CACNA2D1: variants seen among roughly 807,000 people sequenced by gnomAD.
CACNA2D1 encodes the protein calcium voltage-gated channel auxiliary subunit alpha2delta 1, also known as voltage-dependent calcium channel subunit alpha-2/delta-1.
CACNA2D1 carries 53 observed loss-of-function variants against 171.5 expected under a neutral mutation model. The ratio of observed to expected loss-of-function variants is 0.31; its 90% CI spans 0.25 to 0.39. CACNA2D1 has a LOEUF of 0.39. CACNA2D1 is among the 10% of genes least tolerant of loss of function. The probability of loss-of-function intolerance (pLI) is 1.00; values close to 1 mark genes in which losing one functional copy is unlikely to be tolerated. For missense variants in CACNA2D1, 903 were observed against 1,299.8 expected (o/e 0.69, Z 4.69); for synonymous variants, 442 against 443.1 (o/e 1.00, Z 0.03).
intron 10 of CACNA2D1, among the ~76,000 whole-genome samples, chr7:82,059,381 G>C (rs571302694): frequency 3.7e-4 from 57 of 152,102 alleles, no homozygotes; most frequent in Non-Finnish European, 6.8e-4. Context: ...ACTTTAATAA[G>C]AGCACATTCA....
intron 4 of CACNA2D1, among the ~76,000 whole-genome samples, chr7:82,155,064 T>G (rs78573936): frequency 0.019 from 2,962 of 152,098 alleles, 101 homozygotes; most frequent in African/African-American, 0.066. Context: ...TCCTCCCCTT[T>G]CTGTCTTGCT....
rs544954458 is a variant in CACNA2D1, at chr7:82,025,255, T to C, written c.1143+7542A>G. 3.3e-5 allele frequency among the ~76,000 whole-genome samples: 5 copies of C among 151,804 alleles called. No homozygotes were observed. The South Asian group carries it at 1.0e-3, about 31-fold the overall frequency. On this transcript the variant is annotated intron_variant, in intron 12 of 38. Coordinates refer to ENST00000356860, the MANE Select transcript of CACNA2D1 (RefSeq NM_000722.4). ...GGGTACTATGGAAATTTTAACAATA[T>C]TAAGTCTTCCAATCCATTAACATGA...
intron 2 of CACNA2D1, among the ~76,000 whole-genome samples, chr7:82,339,842 T>C (rs964219140): frequency 6.6e-6 from 1 of 152,180 alleles, no homozygotes; most frequent in Non-Finnish European, 1.5e-5. Flanking sequence ...TGTTGTTACA[T>C]AGCAAAAGGG....
At chr7:82,387,803 G>A (rs187774087) in intron 1 of CACNA2D1, among the ~76,000 whole-genome samples, 12 of 152,034 alleles carry the variant, frequency 7.9e-5, no homozygotes, top group South Asian at 2.1e-4. Flanking sequence ...TCTGAAGGCC[G>A]GGTGCACTGG....
intron 5 of CACNA2D1, among the ~76,000 whole-genome samples, chr7:82,120,060 A>C: frequency 6.6e-6 from 1 of 152,078 alleles, no homozygotes; most frequent in East Asian, 1.9e-4. Context: ...GTATGTTCCT[A>C]TTATTTCCAG....
chr7:82,143,354 G>A (rs553843643), intron 4 of CACNA2D1, among the ~76,000 whole-genome samples: 4 of 152,058 alleles, frequency 2.6e-5, no homozygotes, highest in South Asian at 2.1e-4. Context: ...TATATGCCCC[G>A]TAATTGTTAA....
chr7:81,959,221 C>G (rs372134592), intron 38 of CACNA2D1, 54 bp downstream of exon 38: 2 of 1,237,792 alleles, frequency 1.6e-6, no homozygotes, highest in Admixed American at 3.4e-5. Context: ...TGAATTCTTG[C>G]GGACAGTGAC....
chr7:82,076,309 C>T (rs1213026426), intron 7 of CACNA2D1, among the ~76,000 whole-genome samples: 3 of 152,094 alleles, frequency 2.0e-5, no homozygotes. Context: ...AAGAAAACCA[C>T]GTAATATGAA....
chr7:82,242,939 T>C (rs974321268), intron 3 of CACNA2D1, among the ~76,000 whole-genome samples: 1 of 152,122 alleles, frequency 6.6e-6, no homozygotes, highest in African/African-American at 2.4e-5. Flanking sequence ...AAATAATCAT[T>C]GTACCATGAA....
At chr7:82,330,035 A>G (rs1817120168) in intron 3 of CACNA2D1, among the ~76,000 whole-genome samples, 1 of 151,052 alleles carries the variant, frequency 6.6e-6, no homozygotes, top group Non-Finnish European at 1.5e-5. Flanking sequence ...CATCAGAATC[A>G]TAACATGATT....
Position 82,424,396 on chromosome 7 carries a change from A to G in CACNA2D1, c.95+18969T>C, listed in dbSNP as rs566430048. On this transcript the variant is annotated intron_variant, in intron 1 of 38. Transcript: ENST00000356860. ...ACAGAACTCATAGCTATTCACCTAAATCTACTCACTGAAATGAAGAAATCA... is the reference window on the plus strand; with the variant it reads ...ACAGAACTCATAGCTATTCACCTAAGTCTACTCACTGAAATGAAGAAATCA... 6.6e-5 allele frequency among the ~76,000 whole-genome samples: 10 copies of G among 152,312 alleles called. 1 individual carries two copies. In the South Asian group the frequency reaches 2.1e-3, roughly 32 times the overall value.
chr7:82,050,387 C>A, intron 10 of CACNA2D1: 1 of 564,406 alleles, frequency 1.8e-6, no homozygotes, highest in Non-Finnish European at 3.2e-6. Flanking sequence ...AGCAGAGTAA[C>A]ATCTTTGTTT....
chr7:82,310,862 A>G (rs1814369347), intron 3 of CACNA2D1, among the ~76,000 whole-genome samples: 1 of 152,154 alleles, frequency 6.6e-6, no homozygotes, highest in Non-Finnish European at 1.5e-5. Flanking sequence ...AACCTCTGAC[A>G]TGTTTAATAG....
rs995524058 is a variant in CACNA2D1 at position 82,033,137 on chromosome 7, C to T, written c.1039-236G>A. On this transcript the variant is annotated intron_variant, in intron 11 of 38. Transcript: ENST00000356860. ...TCACTTCCTTCAGTCTTTGATCATA[C>T]GCCACTTTATCATGAGGTGATTACT... is the stretch of plus-strand genomic sequence containing the variant. 2.5e-5 allele frequency: 10 copies of T among 401,920 alleles called. No homozygotes were observed. The East Asian group carries it at 2.8e-4, about 11-fold the overall frequency. The allele number at this position is 401,920 out of a possible 1,614,324, so 24.9% of individuals were successfully genotyped here. A position where few individuals can be genotyped will look rare whatever the true frequency, so the allele number is the denominator to read the frequency against.
In CACNA2D1 at chr7:82,012,255, A is replaced by G. The variant is rs560674806; in HGVS notation, c.1273-12T>C. ...ACATCCAAATATTCCTGTTTATGGG[A>G]AAAAAAAAAAAAGTCGTGGTTAAAA... On this transcript the variant is annotated splice_polypyrimidine_tract_variant and intron_variant, in intron 14 of 38. Transcript: ENST00000356860. 5.0e-4 allele frequency: 236 copies of G among 472,854 alleles called. No homozygotes were observed. The highest frequency in any genetic ancestry group is 1.4e-3 in the East Asian group (16 of 11,636). 29.3% of individuals were successfully genotyped at this position (472,854 alleles called of 1,614,324 possible).
intron 8 of CACNA2D1, among the ~76,000 whole-genome samples, chr7:82,064,711 T>A (rs763218595): frequency 2.0e-5 from 3 of 152,094 alleles, no homozygotes; most frequent in Non-Finnish European, 4.4e-5. Flanking sequence ...AAATAGACTA[T>A]CATATTTTTA....
intron 3 of CACNA2D1, among the ~76,000 whole-genome samples, chr7:82,201,637 A>C (rs1222558689): frequency 6.6e-6 from 1 of 152,180 alleles, no homozygotes; most frequent in Non-Finnish European, 1.5e-5. Flanking sequence ...TCTCTAAAGA[A>C]TGACCCTCAG....
At chr7:81,977,831 A>G (rs1584262388) in intron 24 of CACNA2D1, among the ~76,000 whole-genome samples, 1 of 152,214 alleles carries the variant, frequency 6.6e-6, no homozygotes, top group Admixed American at 6.5e-5. Context: ...AAATTTTTGC[A>G]ATCTATCCAT....
At chr7:82,192,483 T>C (rs1798421015) in intron 3 of CACNA2D1, among the ~76,000 whole-genome samples, 1 of 116,218 alleles carries the variant, frequency 8.6e-6, no homozygotes, top group Admixed American at 8.3e-5. Context: ...TGTGTGTGTG[T>C]GTGTGTGTGT....
Sources: allele counts gnomAD v4.1 joint callset (sites outside exome capture counted in the v4.1 genomes callset), GRCh38; gene constraint gnomAD v4.1.1; transcripts MANE v1.5; gene names NCBI Gene and HGNC (gene_info 2026-07-23, HGNC 2026-07-21).